Variants in ADAM19 observed in about 807,000 individuals in gnomAD.
ADAM19 encodes disintegrin and metalloproteinase domain-containing protein 19.
Under a neutral mutation model 114.7 loss-of-function variants are expected in ADAM19, and 65 were observed. The observed-to-expected ratio is 0.57, with a 90% CI of 0.46 to 0.70. The LOEUF (loss-of-function observed/expected upper bound fraction) is 0.70, where lower values mean the gene tolerates loss of function less well. Among genes scored for constraint, ADAM19 ranks in the 30% least tolerant of loss-of-function variants. The pLI is 0.00. For synonymous variants in ADAM19, 466 were observed against 460.5 expected, an observed-to-expected ratio of 1.01 and a Z score of -0.15; for missense variants, 1,063 against 1,204.7, an observed-to-expected ratio of 0.88 and a Z score of 1.74.
chr5:157,550,754 T>A (rs904514612), intron 3 of ADAM19, among the ~76,000 whole-genome samples: 1 of 150,694 alleles, frequency 6.6e-6, no homozygotes, highest in African/African-American at 2.4e-5. Context: ...ATCAACTCAA[T>A]GGTGTGTTTG....
At chr5:157,547,628 C>T (rs1302830348) in intron 3 of ADAM19, among the ~76,000 whole-genome samples, 2 of 152,216 alleles carry the variant, frequency 1.3e-5, no homozygotes, top group Non-Finnish European at 2.9e-5. Flanking sequence ...GTGACCCAGT[C>T]TCTAGGATTC....
At chr5:157,552,818 T>A (rs1757241330) in intron 3 of ADAM19, among the ~76,000 whole-genome samples, 1 of 151,138 alleles carries the variant, frequency 6.6e-6, no homozygotes, top group South Asian at 2.1e-4. Flanking sequence ...ATAAAGAAAA[T>A]GTGGTACATA....
chr5:157,538,959 G>A (rs1338400514), intron 3 of ADAM19, among the ~76,000 whole-genome samples: 3 of 152,098 alleles, frequency 2.0e-5, no homozygotes, highest in African/African-American at 7.2e-5. Flanking sequence ...GAGGTCAGGA[G>A]TTCAAGACCA....
intron 3 of ADAM19, among the ~76,000 whole-genome samples, chr5:157,549,937 A>G (rs1158519041): frequency 6.6e-6 from 1 of 152,266 alleles, no homozygotes; most frequent in Non-Finnish European, 1.5e-5. Context: ...ATACTGATAC[A>G]TACTACAACA....
At chr5:157,496,769 G>A in intron 14 of ADAM19, 125 bp downstream of exon 14, 1 of 775,078 alleles carries the variant, frequency 1.3e-6, no homozygotes, top group Non-Finnish European at 2.0e-6. Context: ...TGAGTCAAGG[G>A]GATGAAAGAG....
chr5:157,563,671 G>A (rs572302663), intron 3 of ADAM19, among the ~76,000 whole-genome samples: 1 of 152,284 alleles, frequency 6.6e-6, no homozygotes, highest in South Asian at 2.1e-4. Context: ...AGTAAGGAGA[G>A]CTCTTCATGG....
chr5:157,519,452 T>C (rs1007290511), intron 6 of ADAM19, among the ~76,000 whole-genome samples: 1 of 152,068 alleles, frequency 6.6e-6, no homozygotes, highest in African/African-American at 2.4e-5. Flanking sequence ...GCCCAGCTAA[T>C]TTTTGTACTT....
chr5:157,553,682 C>T (rs1458073805), intron 3 of ADAM19, among the ~76,000 whole-genome samples: 1 of 152,132 alleles, frequency 6.6e-6, no homozygotes, highest in Non-Finnish European at 1.5e-5. Context: ...AGATTATGTA[C>T]AATCCTATTG....
chr5:157,538,068 C>T, intron 3 of ADAM19, 77 bp from the exon 4 acceptor site: 1 of 1,220,424 alleles, frequency 8.2e-7, no homozygotes, highest in Non-Finnish European at 1.2e-6. Context: ...GTGATTTTAA[C>T]TGAACCAGGC....
Position 157,507,340 on chromosome 5 carries a change from C to G in ADAM19, c.906-200G>C, listed in dbSNP as rs55738877. 2.1e-3 allele frequency among the ~76,000 whole-genome samples: 325 copies of G among 152,350 alleles called. 9 individuals are homozygous for G. The East Asian group carries it at 0.054, about 25-fold the overall frequency. On this transcript the variant is annotated intron_variant, in intron 9 of 22. Transcript: ENST00000257527. ...CCTCTCACTTCCTCTCACCTACTCC[C>G]TCATGACTCCAGAGGAACACAAAGA...
intron 3 of ADAM19, among the ~76,000 whole-genome samples, chr5:157,561,535 TG>T (rs1176910661): frequency 6.6e-6 from 1 of 152,096 alleles, no homozygotes. Context: ...TATGGGGAAA[TG>T]TACAGAGGGA....
At chr5:157,503,687 A>G (rs1755641769) in intron 11 of ADAM19, among the ~76,000 whole-genome samples, 1 of 152,208 alleles carries the variant, frequency 6.6e-6, no homozygotes, top group Non-Finnish European at 1.5e-5. Flanking sequence ...GCACTGAAGA[A>G]AACACCAGCC....
In ADAM19 at chr5:157,513,057, C is replaced by G. The variant is rs1581316880; in HGVS notation, c.738+377G>C. 5.9e-5 allele frequency among the ~76,000 whole-genome samples: 9 copies of G among 152,290 alleles called. 3 individuals are homozygous for G. The highest frequency in any genetic ancestry group is 5.9e-4 in the Admixed American group (9 of 15,288). ...GGTCAGAAGGACAGTGTTCTGGGTC[C>G]TCACCCCAGCTCCCACTTAGAGCAG... On this transcript the variant is annotated intron_variant, in intron 8 of 22. Coordinates refer to ENST00000257527, the MANE Select transcript of ADAM19 (RefSeq NM_033274.5).
intron 8 of ADAM19, 88 bp from the exon 9 acceptor site, chr5:157,509,555 T>C: frequency 9.4e-7 from 1 of 1,064,118 alleles, no homozygotes; most frequent in East Asian, 3.1e-5. Context: ...AGCTTGAGAT[T>C]AAAAAGAAAA....
intron 3 of ADAM19, among the ~76,000 whole-genome samples, chr5:157,557,317 T>C (rs1051507662): frequency 5.3e-5 from 8 of 152,226 alleles, no homozygotes; most frequent in Non-Finnish European, 8.8e-5. Context: ...TCAGGGTCTC[T>C]GGGACCAAAG....
chr5:157,512,303 C>T (rs1755947392), intron 8 of ADAM19, among the ~76,000 whole-genome samples: 1 of 152,210 alleles, frequency 6.6e-6, no homozygotes, highest in African/African-American at 2.4e-5. Flanking sequence ...AGAACTAATA[C>T]ATTTGCCTAT....
chr5:157,526,387 A>AT, intron 5 of ADAM19, among the ~76,000 whole-genome samples: 1 of 152,264 alleles, frequency 6.6e-6, no homozygotes, highest in East Asian at 1.9e-4. Flanking sequence ...TATAATGATA[A>AT]TTTTTAACAA....
chr5:157,517,035 G>A (rs980628831), intron 7 of ADAM19, among the ~76,000 whole-genome samples: 4 of 152,092 alleles, frequency 2.6e-5, no homozygotes, highest in Non-Finnish European at 5.9e-5. Flanking sequence ...AGAGCACAAT[G>A]TTCCCTCGGC....
At chr5:157,553,684 A>G (rs1757267448) in intron 3 of ADAM19, among the ~76,000 whole-genome samples, 2 of 152,364 alleles carry the variant, frequency 1.3e-5, no homozygotes, top group South Asian at 4.1e-4. Context: ...ATTATGTACA[A>G]TCCTATTGCT....
Sources: allele counts gnomAD v4.1 joint callset (sites outside exome capture counted in the v4.1 genomes callset), GRCh38; gene constraint gnomAD v4.1.1; transcripts MANE v1.5; gene names NCBI Gene and HGNC (gene_info 2026-07-23, HGNC 2026-07-21).